The following STPG2 variants were observed in gnomAD, a reference collection of about 807,000 sequenced individuals.
STPG2 encodes sperm tail PG-rich repeat containing 2.
STPG2 carries 56 observed loss-of-function variants against 54.2 expected under a neutral mutation model. That is an observed-to-expected ratio of 1.03 (90% CI 0.83 to 1.29). The LOEUF (loss-of-function observed/expected upper bound fraction) is 1.29. Ranked by LOEUF, STPG2 falls within the 50% of genes most tolerant of loss-of-function variation. The probability of loss-of-function intolerance (pLI) is 0.00; values close to 1 mark genes in which losing one functional copy is unlikely to be tolerated. For synonymous variants in STPG2, 200 were observed against 181.8 expected, an observed-to-expected ratio of 1.10 and a Z score of -0.81; for missense variants, 596 against 544.9, an observed-to-expected ratio of 1.09 and a Z score of -0.93.
Position 97,944,326 on chromosome 4 carries a change from T to C in STPG2, c.934-319A>G, listed in dbSNP as rs115568812. 5.7e-3 allele frequency among the ~76,000 whole-genome samples: 866 copies of C among 151,980 alleles called. 8 individuals carry two copies. The highest frequency in any genetic ancestry group is 0.02 in the African/African-American group (830 of 41,540). ...GTCTCAATAATATATTAGTATAAGA[T>C]ACTTAGCCAATTATATAGTATTATT... On this transcript the variant is annotated intron_variant, in intron 7 of 10. Coordinates refer to ENST00000295268, the MANE Select transcript of STPG2 (RefSeq NM_174952.3).
intron 9 of STPG2, among the ~76,000 whole-genome samples, chr4:97,833,838 A>C (rs1411071880): frequency 6.6e-6 from 1 of 152,212 alleles, no homozygotes; most frequent in African/African-American, 2.4e-5. Flanking sequence ...TAGAATGGTG[A>C]TGATTAAAAA....
chr4:97,915,685 G>A (rs1253164661), intron 8 of STPG2, among the ~76,000 whole-genome samples: 1 of 152,036 alleles, frequency 6.6e-6, no homozygotes, highest in African/African-American at 2.4e-5. Flanking sequence ...AATGACGGAG[G>A]CAGGAAAGTT....
intron 5 of STPG2, among the ~76,000 whole-genome samples, chr4:98,055,439 C>T (rs184597480): frequency 3.3e-5 from 5 of 152,186 alleles, no homozygotes; most frequent in African/African-American, 1.2e-4. Flanking sequence ...GCTAGGAACC[C>T]CACATGGGCT....
chr4:97,450,873 C>G (rs1007988508), intron 4 of STPG2, among the ~76,000 whole-genome samples: 3 of 152,120 alleles, frequency 2.0e-5, no homozygotes, highest in Non-Finnish European at 2.9e-5. Flanking sequence ...AAATATCCTA[C>G]ATGCACTTAT....
At chr4:97,936,670 G>T (rs1296343086) in intron 8 of STPG2, among the ~76,000 whole-genome samples, 1 of 152,164 alleles carries the variant, frequency 6.6e-6, no homozygotes, top group Non-Finnish European at 1.5e-5. Context: ...ATTCTGGGCT[G>T]AAAATTCTTT....
intron 10 of STPG2, among the ~76,000 whole-genome samples, chr4:97,636,154 G>T (rs1449684009): frequency 4.7e-5 from 7 of 149,256 alleles, no homozygotes; most frequent in African/African-American, 1.7e-4. Context: ...TCAGACCACA[G>T]TGCAATCAAA....
At chr4:97,808,712 C>G (rs1419730191) in intron 9 of STPG2, among the ~76,000 whole-genome samples, 1 of 142,916 alleles carries the variant, frequency 7.0e-6, no homozygotes, top group African/African-American at 2.5e-5. Flanking sequence ...AAAAAACCCA[C>G]AGAAACAACA....
chr4:97,579,072 TAATC>T (rs984042237), intron 10 of STPG2, among the ~76,000 whole-genome samples: 1 of 152,138 alleles, frequency 6.6e-6, no homozygotes, highest in African/African-American at 2.4e-5. Flanking sequence ...ATATCTACAA[TAATC>T]AATCTTTAAA....
intron 10 of STPG2, among the ~76,000 whole-genome samples, chr4:97,708,472 T>C (rs1159832831): frequency 6.6e-6 from 1 of 151,950 alleles, no homozygotes; most frequent in Non-Finnish European, 1.5e-5. Flanking sequence ...TAGCATGTAA[T>C]TAGAGGTATT....
intron 10 of STPG2, among the ~76,000 whole-genome samples, chr4:97,572,415 T>C (rs888164130): frequency 1.3e-5 from 2 of 152,188 alleles, no homozygotes; most frequent in Non-Finnish European, 2.9e-5. Flanking sequence ...AGCTATTATA[T>C]CTTGGTTGAA....
At chr4:97,704,220 A>T (rs1723874569) in intron 10 of STPG2, among the ~76,000 whole-genome samples, 1 of 152,184 alleles carries the variant, frequency 6.6e-6, no homozygotes, top group Non-Finnish European at 1.5e-5. Context: ...ACTCAGTATT[A>T]ACCATCACAC....
At chr4:98,142,990 G>T in intron 1 of STPG2, 52 bp downstream of exon 1, 1 of 1,486,334 alleles carries the variant, frequency 6.7e-7, no homozygotes, top group Non-Finnish European at 9.3e-7. Context: ...AAGCGGAGCA[G>T]GCTGAAGATA....
chr4:97,891,085 C>T (rs570713429), intron 8 of STPG2, among the ~76,000 whole-genome samples: 3 of 151,830 alleles, frequency 2.0e-5, no homozygotes, highest in African/African-American at 7.3e-5. Context: ...CAAGGGAGAA[C>T]AGAACAGGGG....
chr4:97,953,791 C>G (rs147993599), intron 7 of STPG2, among the ~76,000 whole-genome samples: 1 of 152,326 alleles, frequency 6.6e-6, no homozygotes, highest in African/African-American at 2.4e-5. Context: ...TCACATGGCT[C>G]ACAGTGTGGG....
intron 9 of STPG2, among the ~76,000 whole-genome samples, chr4:97,763,803 G>C (rs931340050): frequency 6.6e-6 from 1 of 152,092 alleles, no homozygotes; most frequent in African/African-American, 2.4e-5. Flanking sequence ...ATAGCAATCA[G>C]TATGGATATT....
At chr4:97,738,578 C>G (rs1000855983) in intron 9 of STPG2, among the ~76,000 whole-genome samples, 1 of 152,132 alleles carries the variant, frequency 6.6e-6, no homozygotes, top group Non-Finnish European at 1.5e-5. Context: ...TCTGATAAAA[C>G]AGACTTCAAA....
chr4:97,470,407 T>G (rs1014713335), intron 4 of STPG2, among the ~76,000 whole-genome samples: 2 of 152,120 alleles, frequency 1.3e-5, no homozygotes, highest in African/African-American at 4.8e-5. Flanking sequence ...ACATTATATA[T>G]TTTTCCTAAA....
chr4:97,471,925 AT>A (rs1272993038), intron 4 of STPG2, among the ~76,000 whole-genome samples: 3 of 152,106 alleles, frequency 2.0e-5, no homozygotes, highest in Admixed American at 6.6e-5. Context: ...GGTAAATAAA[AT>A]TTTTTCTTTC....
rs144976599 is a variant in STPG2, at chr4:98,079,123, T to C, written c.612+26830A>G. On this transcript the variant is annotated intron_variant, in intron 5 of 10. Transcript: ENST00000295268. ...AAAATAGTTATATTATATATATACA[T>C]TTAAATAATTTCTCCCTCTGCCAAA... Among the ~76,000 whole-genome samples the C allele has an allele frequency of 3.0e-3, 451 of 152,308 alleles. 3 individuals are homozygous for C. Among genetic ancestry groups the C allele is most frequent in the African/African-American group, 0.01 (430 of 41,568 alleles).
Sources: gnomAD v4.1 joint callset for allele counts (sites outside exome capture counted in the v4.1 genomes callset) on GRCh38, gnomAD v4.1.1 for gene constraint, MANE v1.5 for transcripts, NCBI Gene and HGNC (gene_info 2026-07-23, HGNC 2026-07-21) for gene names.